Variants in NEDD4L observed in about 807,000 individuals in gnomAD.
NEDD4L encodes the protein NEDD4 like E3 ubiquitin protein ligase.
A neutral mutation model predicts 148.9 loss-of-function variants in NEDD4L; 54 were observed. The observed-to-expected ratio is 0.36, with a 90% CI of 0.29 to 0.45. The LOEUF (loss-of-function observed/expected upper bound fraction) is 0.45. Among genes scored for constraint, NEDD4L ranks in the 20% least tolerant of loss-of-function variants. The pLI is 1.00. For missense variants in NEDD4L, 856 were observed against 1,233.8 expected, an observed-to-expected ratio of 0.69 and a Z score of 4.59; for synonymous variants, 433 against 440.7, an observed-to-expected ratio of 0.98 and a Z score of 0.22.
intron 2 of NEDD4L, among the ~76,000 whole-genome samples, chr18:58,223,349 A>C (rs1039903049): frequency 3.9e-5 from 6 of 152,232 alleles, no homozygotes; most frequent in Non-Finnish European, 7.3e-5. Flanking sequence ...ATGAAAAGAT[A>C]TAAAATGAAG....
At chr18:58,143,558 T>A (rs1367108629) in intron 1 of NEDD4L, among the ~76,000 whole-genome samples, 1 of 152,218 alleles carries the variant, frequency 6.6e-6, no homozygotes, top group Non-Finnish European at 1.5e-5. Context: ...GATGCAGTGC[T>A]ATTTAAAGAT....
intron 11 of NEDD4L, among the ~76,000 whole-genome samples, chr18:58,332,656 TTCTTTC>T (rs2041155380): frequency 6.6e-6 from 1 of 151,998 alleles, no homozygotes; most frequent in African/African-American, 2.4e-5. Flanking sequence ...TAAAGACTGA[TTCTTTC>T]ACAGTAACCA....
intron 1 of NEDD4L, among the ~76,000 whole-genome samples, chr18:58,148,532 G>A (rs894340093): frequency 1.3e-5 from 2 of 152,174 alleles, no homozygotes; most frequent in African/African-American, 4.8e-5. Flanking sequence ...TTCTCCCGAG[G>A]CCTCTGTTCT....
At chr18:58,093,270 G>T (rs1412108595) in intron 1 of NEDD4L, among the ~76,000 whole-genome samples, 1 of 152,088 alleles carries the variant, frequency 6.6e-6, no homozygotes, top group African/African-American at 2.4e-5. Flanking sequence ...ATCTAGCATG[G>T]TGCATTTCAC....
At chr18:58,216,216 G>A (rs369387736) in intron 2 of NEDD4L, among the ~76,000 whole-genome samples, 1 of 152,096 alleles carries the variant, frequency 6.6e-6, no homozygotes, top group East Asian at 1.9e-4. Context: ...AGAGAGGCAC[G>A]TGAAAGTGAG....
At chr18:58,044,896 G>C (rs992024684) in intron 1 of NEDD4L, among the ~76,000 whole-genome samples, 188 bp downstream of exon 1, 2 of 152,230 alleles carry the variant, frequency 1.3e-5, no homozygotes, top group Non-Finnish European at 2.9e-5. Context: ...CCCTCCGCAA[G>C]CCGAGCTCAT....
rs761440684 is a variant in NEDD4L, at chr18:58,044,615, C to A, written c.-46C>A. 1.9e-6 allele frequency: 3 copies of A among 1,563,136 alleles called. No homozygotes were observed. The highest frequency in any genetic ancestry group is 1.4e-5 in the African/African-American group (1 of 71,570). On this transcript the variant is annotated 5_prime_UTR_variant, in exon 1 of 31. Transcript: ENST00000400345. ...GGAGAACCGGCCGTCCGCGCCGCAG[C>A]ACAGCCGCTGGGAGCGCCTCAGACC...
At chr18:58,306,360 G>A (rs898562273) in intron 5 of NEDD4L, among the ~76,000 whole-genome samples, 70 of 152,128 alleles carry the variant, frequency 4.6e-4, no homozygotes, top group Non-Finnish European at 2.1e-4. Context: ...AAGCTCATAC[G>A]TTACTCATTT....
chr18:58,239,160 T>G (rs2046352769), intron 2 of NEDD4L, among the ~76,000 whole-genome samples: 1 of 152,226 alleles, frequency 6.6e-6, no homozygotes, highest in Non-Finnish European at 1.5e-5. Context: ...CGAAAGAAAT[T>G]TGCTGTATAG....
At chr18:58,387,327 A>T in intron 26 of NEDD4L, 112 bp from the exon 27 acceptor site, 1 of 1,219,756 alleles carries the variant, frequency 8.2e-7, no homozygotes, top group Non-Finnish European at 1.1e-6. Context: ...CATAGGAATC[A>T]TCAGGAGAGA....
chr18:58,244,975 T>C (rs1441851184), intron 2 of NEDD4L, among the ~76,000 whole-genome samples: 1 of 152,160 alleles, frequency 6.6e-6, no homozygotes, highest in Non-Finnish European at 1.5e-5. Context: ...GGATTACAGG[T>C]GTGAGCCACC....
chr18:58,245,609 C>T (rs2047158155), intron 3 of NEDD4L, 101 bp downstream of exon 3: 2 of 494,678 alleles, frequency 4.0e-6, no homozygotes, highest in Non-Finnish European at 3.7e-6. Context: ...GGATGGACTA[C>T]TTACACAGTG....
chr18:58,186,857 C>T (rs538195745), intron 2 of NEDD4L, among the ~76,000 whole-genome samples: 37 of 152,334 alleles, frequency 2.4e-4, no homozygotes, highest in Non-Finnish European at 4.9e-4. Flanking sequence ...CTGGCATTTC[C>T]AGCTCCTCAG....
At chr18:58,211,513 A>C (rs2042598631) in intron 2 of NEDD4L, among the ~76,000 whole-genome samples, 1 of 152,260 alleles carries the variant, frequency 6.6e-6, no homozygotes, top group Non-Finnish European at 1.5e-5. Context: ...ATCTAGAGAA[A>C]TTAAAACATG....
intron 5 of NEDD4L, among the ~76,000 whole-genome samples, chr18:58,279,711 G>A (rs1036510506): frequency 2.0e-5 from 3 of 152,218 alleles, no homozygotes; most frequent in Admixed American, 6.5e-5. Flanking sequence ...GCTCTGTGAT[G>A]TAATTGGCAC....
intron 2 of NEDD4L, among the ~76,000 whole-genome samples, chr18:58,224,660 CTA>C (rs2044156202): frequency 6.6e-6 from 1 of 152,170 alleles, no homozygotes; most frequent in Non-Finnish European, 1.5e-5. Flanking sequence ...ATTCAAAAGG[CTA>C]TTTAAGTCAC....
intron 3 of NEDD4L, 138 bp downstream of exon 3, chr18:58,245,646 T>G: frequency 2.5e-6 from 1 of 397,898 alleles, no homozygotes; most frequent in Non-Finnish European, 4.6e-6. Flanking sequence ...ATAATGGAGC[T>G]GCCATATACA....
chr18:58,212,463 A>G (rs1035357555), intron 2 of NEDD4L, among the ~76,000 whole-genome samples: 4 of 148,926 alleles, frequency 2.7e-5, no homozygotes, highest in African/African-American at 7.6e-5. Context: ...ACTCCCCTTT[A>G]TAACCATCAG....
chr18:58,150,163 G>T (rs1016224797), intron 1 of NEDD4L, among the ~76,000 whole-genome samples: 1 of 152,196 alleles, frequency 6.6e-6, no homozygotes, highest in African/African-American at 2.4e-5. Flanking sequence ...ATGTCTTTCA[G>T]TTCTAAATCA....
Sources: gnomAD v4.1 joint callset for allele counts (sites outside exome capture counted in the v4.1 genomes callset) on GRCh38, gnomAD v4.1.1 for gene constraint, MANE v1.5 for transcripts, NCBI Gene and HGNC (gene_info 2026-07-23, HGNC 2026-07-21) for gene names.